The following SPOCD1 variants were observed in gnomAD, a reference collection of about 807,000 sequenced individuals.
SPOCD1 encodes the protein SPOC domain-containing protein 1.
A neutral mutation model predicts 92.2 loss-of-function variants in SPOCD1; 64 were observed. The ratio of observed to expected loss-of-function variants is 0.69; its 90% CI spans 0.57 to 0.86. The LOEUF (loss-of-function observed/expected upper bound fraction) is 0.86. SPOCD1 is among the 40% of genes least tolerant of loss of function. The pLI is 0.00. For missense variants in SPOCD1, 1,360 were observed against 1,543.1 expected, an observed-to-expected ratio of 0.88 and a Z score of 1.99; for synonymous variants, 578 against 619.3, an observed-to-expected ratio of 0.93 and a Z score of 0.99.
Position 31,805,146 on chromosome 1 carries a change from T to C in SPOCD1, c.1384-3441A>G, listed in dbSNP as rs866605540. 7.9e-5 allele frequency among the ~76,000 whole-genome samples: 12 copies of C among 151,928 alleles called. 1 individual carries two copies. Among genetic ancestry groups the C allele is most frequent in the Admixed American group, 7.9e-4 (12 of 15,254 alleles). On this transcript the variant is annotated intron_variant, in intron 2 of 15. Coordinates refer to ENST00000360482, the MANE Select transcript of SPOCD1 (RefSeq NM_144569.7). ...ACAGGCGCCCGCCACCACACCCGGC[T>C]ATTTTTTTCTTGTATTTTTAGTAGA...
At chr1:31,815,549 G>A (rs1003104256) in intron 1 of SPOCD1, among the ~76,000 whole-genome samples, 177 bp from the exon 2 acceptor site, 3 of 152,232 alleles carry the variant, frequency 2.0e-5, no homozygotes, top group Admixed American at 6.5e-5. Flanking sequence ...TGTCCTGGGT[G>A]AGGGTGGAGA....
In SPOCD1 at chr1:31,798,331, G is replaced by T. The variant is rs189437304; in HGVS notation, c.2029-8C>A. 12 of 1,609,160 alleles carry T rather than the reference G, an allele frequency of 7.5e-6. No individual in the cohort carries two copies. The highest frequency in any genetic ancestry group is 1.0e-5 in the Non-Finnish European group (12 of 1,176,810). ...CACTTTGAGAAACAAGTCCTGGTGG[G>T]GGCAGGGGGCAGGGCTGCACCACAC... On this transcript the variant is annotated splice_polypyrimidine_tract_variant and splice_region_variant and intron_variant, in intron 8 of 15. Coordinates refer to ENST00000360482, the MANE Select transcript of SPOCD1 (RefSeq NM_144569.7). The surrounding 1 kb of genome is among the most constrained non-coding windows in gnomAD (Gnocchi z 4.1).
At chr1:31,810,917 C>G (rs1649152984) in intron 2 of SPOCD1, among the ~76,000 whole-genome samples, 3 of 152,112 alleles carry the variant, frequency 2.0e-5, no homozygotes, top group Non-Finnish European at 1.5e-5. Context: ...GCAGAGTTGC[C>G]CCACACACAC....
At position 31,815,483 on chromosome 1, in the gene SPOCD1, A is replaced by C. The variant is rs1649503814; in HGVS notation, c.-39-111T>G. ...CCAGCCAGCTCTCCCAGACCCTTCC[A>C]CTCCTGAGGCCTAGGGGTGAGCACT... On this transcript the variant is annotated intron_variant, in intron 1 of 15. Coordinates refer to ENST00000360482, the MANE Select transcript of SPOCD1 (RefSeq NM_144569.7). 7 of 717,766 alleles carry C rather than the reference A, an allele frequency of 9.8e-6. No individual in the cohort carries two copies. The Admixed American group carries it at 1.4e-4, about 14-fold the overall frequency. 44.5% of individuals were successfully genotyped at this position (717,766 alleles called of 1,614,324 possible).
rs1423652747 is a variant in SPOCD1, at chr1:31,801,683, C to T, written c.1406G>A (p.Gly469Glu). 6.2e-7 allele frequency: 1 copy of T among 1,613,908 alleles called. No individual in the cohort carries two copies. The highest frequency in any genetic ancestry group is 1.3e-5 in the African/African-American group (1 of 75,032). The change falls in exon 3 of 16, where the codon GGA becomes GAA. Residue 469 changes from glycine (G) to glutamate (E), a missense_variant. Gly to Glu is a moderately conservative substitution (Grantham distance 98). Coordinates refer to ENST00000360482, the MANE Select transcript of SPOCD1 (RefSeq NM_144569.7). The part of the protein sequence containing the change: ...PRLEEVKIPH[G>E]VKLVCYLGSG... ...ACCTACGTAGCACACAAGCTTCACTCCATGGGGTATTTTCACTTCCTCCTT... is the reference window on the plus strand; with the variant it reads ...ACCTACGTAGCACACAAGCTTCACTTCATGGGGTATTTTCACTTCCTCCTT...
intron 12 of SPOCD1, 143 bp downstream of exon 12, chr1:31,793,604 A>G (rs1197624171): frequency 1.3e-6 from 2 of 1,513,860 alleles, no homozygotes; most frequent in Non-Finnish European, 1.8e-6. Flanking sequence ...TCCATTGCAC[A>G]GATGGGGAAA....
chr1:31,793,862 C>G lies in SPOCD1; in HGVS notation c.2419G>C (p.Glu807Gln). The G allele has an allele frequency of 5.6e-6, 9 of 1,614,038 alleles. No homozygotes were observed. The highest frequency in any genetic ancestry group is 7.6e-6 in the Non-Finnish European group (9 of 1,179,920). The change falls in exon 12 of 16, where the codon GAA becomes CAA. Residue 807 changes from glutamate (E) to glutamine (Q), a missense_variant. Around this residue, in one of 3 missense-constraint regions of SPOCD1, gnomAD observed 614 missense variants for 757.8 expected, o/e 0.81. Transcript: ENST00000360482. ...EPSNELLGSF[E>Q]AAKSCGDNIF... is the part of the protein sequence containing the mutation. ...TTGTCCCCGCAGCTCTTGGCGGCTT[C>G]GAAGGAGCCTAGCAGCTCATTCGAG...
intron 3 of SPOCD1, 68 bp downstream of exon 3, chr1:31,801,596 A>T (rs752346530): frequency 2.1e-5 from 30 of 1,431,292 alleles, no homozygotes; most frequent in Non-Finnish European, 3.0e-5. Flanking sequence ...ACTGTGGAGG[A>T]GCCCTCCCAC....
chr1:31,800,754 G>T (rs1466385020), intron 3 of SPOCD1, 137 bp from the exon 4 acceptor site: 9 of 746,814 alleles, frequency 1.2e-5, no homozygotes, highest in Admixed American at 2.9e-5. Flanking sequence ...GAACATGCCT[G>T]TCCTGGTCCC....
chr1:31,792,515 C>T, intron 14 of SPOCD1, 114 bp from the exon 15 acceptor site: 2 of 1,283,764 alleles, frequency 1.6e-6, no homozygotes, highest in East Asian at 2.5e-5. Flanking sequence ...CTCCATCTTC[C>T]AGAGGAGGAA....
In SPOCD1 at chr1:31,798,604, G is replaced by A. The variant is rs758952336; in HGVS notation, c.1869-3C>T. The A allele has an allele frequency of 8.1e-6, 13 of 1,611,888 alleles. 1 individual carries two copies. In the South Asian group the frequency reaches 1.3e-4, roughly 16 times the overall value. On this transcript the variant is annotated splice_polypyrimidine_tract_variant and splice_region_variant and intron_variant, in intron 7 of 15. Transcript: ENST00000360482. This position sits in a 1 kb window ranked among gnomAD's most constrained non-coding sequence, Gnocchi z 4.1. ...CTGGGTCTGGGAGCTCCCGAAGGCT[G>A]TGGAGGCCAGGGCAGGGCGGGGGCA...
intron 2 of SPOCD1, among the ~76,000 whole-genome samples, chr1:31,807,157 C>A (rs1390270447): frequency 6.7e-6 from 1 of 149,308 alleles, no homozygotes; most frequent in Non-Finnish European, 1.5e-5. Context: ...GGAGGTCAGG[C>A]GGGTTGATCA....
chr1:31,806,127 T>C (rs578234968), intron 2 of SPOCD1, among the ~76,000 whole-genome samples: 1 of 151,396 alleles, frequency 6.6e-6, no homozygotes, highest in South Asian at 2.1e-4. Context: ...AAAAAAAAAC[T>C]ACAAGCAAAA....
Position 31,813,946 on chromosome 1 carries a change from C to A in SPOCD1, c.1383+5G>T. The A allele has an allele frequency of 6.6e-7, 1 of 1,508,152 alleles. No individual in the cohort carries two copies. Among genetic ancestry groups the A allele is most frequent in the Non-Finnish European group, 8.9e-7 (1 of 1,125,174 alleles). 93.4% of individuals were successfully genotyped at this position (1,508,152 alleles called of 1,614,324 possible). A position where few individuals can be genotyped will look rare whatever the true frequency, so the allele number is the denominator to read the frequency against. On this transcript the variant is annotated splice_donor_5th_base_variant and intron_variant, in intron 2 of 15. Transcript: ENST00000360482. The stretch of plus-strand genomic sequence containing the variant: ...TCCTATCCCAAACTCTCAGACTCAG[C>A]TCACCAGTCTGGGGCAGCCTCCTGG...
At chr1:31,800,267 T>G in intron 4 of SPOCD1, 126 bp from the exon 5 acceptor site, 2 of 1,486,504 alleles carry the variant, frequency 1.3e-6, no homozygotes, top group Non-Finnish European at 1.8e-6. Flanking sequence ...CTGCAGAAAG[T>G]AGTACACATG....
chr1:31,804,097 G>T (rs907837310), intron 2 of SPOCD1, among the ~76,000 whole-genome samples: 2 of 152,134 alleles, frequency 1.3e-5, no homozygotes. Context: ...TCATGATAAG[G>T]AGATCCTTAC....
At chr1:31,794,049 C>A (rs1647813455) in intron 11 of SPOCD1, 75 bp downstream of exon 11, 2 of 1,539,134 alleles carry the variant, frequency 1.3e-6, no homozygotes, top group Non-Finnish European at 1.8e-6. Context: ...GGCCACAAAT[C>A]CCTGTTGCTG....
rs1330499777 is a variant in SPOCD1 at position 31,814,304 on chromosome 1, C to A, written c.1030G>T (p.Val344Leu). The change falls in exon 2 of 16, where the codon GTG (valine) becomes TTG (leucine). Residue 344 changes from valine to leucine, a missense_variant. Physicochemically the swap from Val to Leu is conservative, Grantham distance 32 (BLOSUM62 1). This residue lies in a region of SPOCD1 where 606 missense variants were observed against 601.5 expected (regional missense o/e 1.01). Coordinates refer to ENST00000360482, the MANE Select transcript of SPOCD1 (RefSeq NM_144569.7). This position sits in a 1 kb window ranked among gnomAD's most constrained non-coding sequence, Gnocchi z 4.2. The stretch of plus-strand genomic sequence containing the variant: ...TCGCTGCCAGTCCGCACGACACACA[C>A]AGCTTCTTGCTGCTCTGCAGAGGCC... ...AQASAEQQEA[V>L]CVVRTGSDEG... 3.2e-6 allele frequency: 5 copies of A among 1,574,716 alleles called. No homozygotes were observed. The highest frequency in any genetic ancestry group is 4.3e-6 in the Non-Finnish European group (5 of 1,156,544).
rs1648728864 is a variant in SPOCD1, at chr1:31,805,050, T to G, written c.1384-3345A>C. 2.1e-5 allele frequency among the ~76,000 whole-genome samples: 3 copies of G among 144,540 alleles called. No individual in the cohort carries two copies. The Admixed American group carries it at 2.3e-4, about 11-fold the overall frequency. 94.8% of individuals were successfully genotyped at this position (144,540 alleles called of 152,430 possible). A position where few individuals can be genotyped will look rare whatever the true frequency, so the allele number is the denominator to read the frequency against. ...AGGCTGGAATGCAGTGGCATGATCT[T>G]GGCTCACTGCAACCTCCACTTCCCG... On this transcript the variant is annotated intron_variant, in intron 2 of 15. Coordinates refer to ENST00000360482, the MANE Select transcript of SPOCD1 (RefSeq NM_144569.7).
Sources: allele counts gnomAD v4.1 joint callset (sites outside exome capture counted in the v4.1 genomes callset), GRCh38; gene constraint gnomAD v4.1.1; regional missense constraint gnomAD v4.1.1; non-coding constraint Gnocchi (gnomAD v3.1); transcripts MANE v1.5; gene names NCBI Gene and HGNC (gene_info 2026-07-23, HGNC 2026-07-21).